IDNK: variants seen among roughly 807,000 people sequenced by gnomAD.
IDNK encodes the protein IDNK gluconokinase.
A neutral mutation model predicts 13.0 loss-of-function variants in IDNK; 9 were observed. The observed-to-expected ratio is 0.69, with a 90% CI of 0.42 to 1.21. IDNK has a LOEUF of 1.21. Ranked by LOEUF, IDNK falls within the 50% of genes most tolerant of loss-of-function variation. IDNK has a pLI of 0.00. For missense variants in IDNK, 210 were observed against 237.8 expected (o/e 0.88, Z 0.77); for synonymous variants, 92 against 94.9 (o/e 0.97, Z 0.18).
At chr9:83,623,356 G>C in intron 1 of IDNK, 135 bp downstream of exon 1, 1 of 868,352 alleles carries the variant, frequency 1.2e-6, no homozygotes, top group Non-Finnish European at 1.7e-6. Flanking sequence ...TGAAGAAACC[G>C]AGGCCCGCGG....
At chr9:83,632,557 C>CAAAAAAAAAAAAAAAAAAAAA (rs61214533) in intron 3 of IDNK, among the ~76,000 whole-genome samples, 1 of 78,558 alleles carries the variant, frequency 1.3e-5, no homozygotes, top group African/African-American at 5.3e-5. Flanking sequence ...AGCTGATGAG[C>CAAAAAAAAAAAAAAAAAAAAA]AAAAAAAAAA....
At chr9:83,633,520 A>G (rs1461061355) in intron 3 of IDNK, among the ~76,000 whole-genome samples, 1 of 152,208 alleles carries the variant, frequency 6.6e-6, no homozygotes, top group Non-Finnish European at 1.5e-5. Flanking sequence ...CTCACTCAGT[A>G]TGGTGCTTTG....
At chr9:83,626,628 G>A (rs1358603199) in intron 1 of IDNK, 2 of 1,002,132 alleles carry the variant, frequency 2.0e-6, no homozygotes, top group South Asian at 1.3e-5. Context: ...TGTTGGCCGA[G>A]CTAGTCCCGA....
Position 83,643,838 on chromosome 9 carries a change from A to C in IDNK, c.*58A>C. 1 of 1,335,678 alleles carries C rather than the reference A, an allele frequency of 7.5e-7. No individual in the cohort carries two copies. The highest frequency in any genetic ancestry group is 1.0e-6 in the Non-Finnish European group (1 of 961,870). The allele number at this position is 1,335,678 out of a possible 1,614,324, so 82.7% of individuals were successfully genotyped here. ...TAAGCATAAATCATTGTGCCATCCCAAACCTCGTTCCAGCCGCCTTGCCCA... is the reference window on the plus strand; with the variant it reads ...TAAGCATAAATCATTGTGCCATCCCCAACCTCGTTCCAGCCGCCTTGCCCA... On this transcript the variant is annotated 3_prime_UTR_variant, in exon 5 of 5. Transcript: ENST00000376419.
chr9:83,628,107 A>C, intron 1 of IDNK, 74 bp from the exon 2 acceptor site: 5 of 1,544,702 alleles, frequency 3.2e-6, no homozygotes, highest in Non-Finnish European at 4.4e-6. Flanking sequence ...TCCCTTTCCC[A>C]GACATCCTTG....
chr9:83,633,963 T>C (rs1414177574), intron 3 of IDNK, among the ~76,000 whole-genome samples: 3 of 152,132 alleles, frequency 2.0e-5, no homozygotes, highest in Non-Finnish European at 2.9e-5. Flanking sequence ...AGCACATCCA[T>C]GGTAGGGGTT....
chr9:83,624,005 G>C (rs559763800), intron 1 of IDNK, among the ~76,000 whole-genome samples: 1 of 152,196 alleles, frequency 6.6e-6, no homozygotes, highest in Non-Finnish European at 1.5e-5. Flanking sequence ...GACCCTTCTA[G>C]AATTTTCTGA....
intron 3 of IDNK, among the ~76,000 whole-genome samples, chr9:83,636,909 G>A (rs551661804): frequency 6.6e-6 from 1 of 152,298 alleles, no homozygotes; most frequent in East Asian, 1.9e-4. Context: ...TGACCATGTG[G>A]TCTGCAAATA....
rs148764994 is a variant in IDNK, at chr9:83,627,660, G to A, written c.51-521G>A. Among the ~76,000 whole-genome samples, 14 of 152,126 alleles carry A rather than the reference G, an allele frequency of 9.2e-5. No homozygotes were observed. In the South Asian group the frequency reaches 1.0e-3, roughly 11 times the overall value. ...TTAACCCCCAGTCTTAACAAGTGCC[G>A]GTGATTCATGAGATATTGACCCATG... On this transcript the variant is annotated intron_variant, in intron 1 of 4. Coordinates refer to ENST00000376419, the MANE Select transcript of IDNK (RefSeq NM_001001551.4).
chr9:83,623,158 G>T lies in IDNK; in HGVS notation c.-14G>T, dbSNP rs754511212. The T allele has an allele frequency of 6.3e-6, 9 of 1,418,524 alleles. No individual in the cohort carries two copies. In the Middle Eastern group the frequency reaches 8.5e-4, roughly 134 times the overall value. 87.9% of individuals were successfully genotyped at this position (1,418,524 alleles called of 1,614,324 possible). ...GGGGCCCGGAAGGCGACGGGAAGGA[G>T]CCGAGCTTGGGTTATGGCGGCGCCG... On this transcript the variant is annotated 5_prime_UTR_variant, in exon 1 of 5. Coordinates refer to ENST00000376419, the MANE Select transcript of IDNK (RefSeq NM_001001551.4).
intron 1 of IDNK, 53 bp downstream of exon 1, chr9:83,623,274 G>A (rs1195532331): frequency 7.4e-7 from 1 of 1,356,970 alleles, no homozygotes. Flanking sequence ...CGGGCGCGGC[G>A]GAGGCCGGAC....
chr9:83,641,549 A>T lies in IDNK; in HGVS notation c.170A>T (p.Asp57Val), dbSNP rs781309138. 2 of 1,614,010 alleles carry T rather than the reference A, an allele frequency of 1.2e-6. No homozygotes were observed. Among genetic ancestry groups the T allele is most frequent in the South Asian group, 2.2e-5 (2 of 91,074 alleles). Residue 57 changes from aspartate to valine, a missense_variant and splice_region_variant, in exon 4 of 5, where the codon GAC becomes GTC. Physicochemically the swap from Asp to Val is radical, Grantham distance 152. Coordinates refer to ENST00000376419, the MANE Select transcript of IDNK (RefSeq NM_001001551.4). ...GGTTTTTGTTTTTGTTTTTTTCAGG[A>T]CCGGATTCCATGGCTCTGTAACTTG... is the stretch of plus-strand genomic sequence containing the variant. ...MGKGIPLNDQDRIPWLCNLHD... is the reference protein window; with the variant it reads ...MGKGIPLNDQVRIPWLCNLHD...
chr9:83,629,027 C>G (rs991874702), intron 3 of IDNK, 68 bp downstream of exon 3: 2 of 1,221,792 alleles, frequency 1.6e-6, no homozygotes, highest in East Asian at 2.3e-5. Flanking sequence ...CGCTACAGCA[C>G]TTGCTGTAGT....
At chr9:83,632,420 A>G (rs1483620723) in intron 3 of IDNK, among the ~76,000 whole-genome samples, 1 of 152,074 alleles carries the variant, frequency 6.6e-6, no homozygotes, top group Non-Finnish European at 1.5e-5. Context: ...TCGGGAGTGC[A>G]CTGCCTTCCC....
intron 2 of IDNK, 128 bp downstream of exon 2, chr9:83,628,339 G>GT: frequency 3.6e-6 from 3 of 831,916 alleles, no homozygotes; most frequent in Non-Finnish European, 6.0e-6. Context: ...GAGCAATTTT[G>GT]TTTTTCTCCT....
At chr9:83,628,012 G>A (rs1830907608) in intron 1 of IDNK, 169 bp from the exon 2 acceptor site, 4 of 1,433,512 alleles carry the variant, frequency 2.8e-6, no homozygotes, top group Admixed American at 2.5e-5. Flanking sequence ...ATCAGCTAAG[G>A]CCAGTCTCCA....
Position 83,643,242 on chromosome 9 carries a change from G to A in IDNK, c.213-187G>A, listed in dbSNP as rs1831363245. On this transcript the variant is annotated intron_variant, in intron 4 of 4. Coordinates refer to ENST00000376419, the MANE Select transcript of IDNK (RefSeq NM_001001551.4). ...CAGAGAGGTAAATGCCTTGGCCCAA[G>A]ATTGTTCACTTTACTAGCAGAAGAT... 2.0e-5 allele frequency among the ~76,000 whole-genome samples: 3 copies of A among 152,188 alleles called. No homozygotes were observed. The South Asian group carries it at 6.2e-4, about 32-fold the overall frequency.
At chr9:83,625,367 T>C (rs1349175726) in intron 1 of IDNK, among the ~76,000 whole-genome samples, 2 of 152,156 alleles carry the variant, frequency 1.3e-5, no homozygotes, top group Admixed American at 6.5e-5. Flanking sequence ...TGGATGGTGG[T>C]TGGATGTCCA....
intron 1 of IDNK, chr9:83,626,698 TGAGCCAA>T: frequency 7.9e-7 from 1 of 1,271,676 alleles, no homozygotes; most frequent in Non-Finnish European, 1.0e-6. Flanking sequence ...ATTATAGGCG[TGAGCCAA>T]GGGCTCAACC....
Sources: gnomAD v4.1 joint callset for allele counts (sites outside exome capture counted in the v4.1 genomes callset) on GRCh38, gnomAD v4.1.1 for gene constraint, MANE v1.5 for transcripts, NCBI Gene and HGNC (gene_info 2026-07-23, HGNC 2026-07-21) for gene names.